The following FBXO11 variants were observed in gnomAD, a reference collection of about 807,000 sequenced individuals.
The protein encoded by FBXO11 is F-box only protein 11.
A neutral mutation model predicts 117.0 loss-of-function variants in FBXO11; 13 were observed. That is an observed-to-expected ratio of 0.11 (90% CI 0.07 to 0.18). The LOEUF (loss-of-function observed/expected upper bound fraction) is 0.18. FBXO11 is among the 10% of genes least tolerant of loss of function. FBXO11 has a pLI of 1.00. For missense variants in FBXO11, 767 were observed against 1,164.4 expected (o/e 0.66, Z 4.97); for synonymous variants, 490 against 380.5 (o/e 1.29, Z -3.35).
At position 47,818,936 on chromosome 2, in the gene FBXO11, A is replaced by T; in HGVS notation, c.1920+20T>A. 1.2e-6 allele frequency: 2 copies of T among 1,601,716 alleles called. No homozygotes were observed. Among genetic ancestry groups the T allele is most frequent in the Non-Finnish European group, 1.7e-6 (2 of 1,177,068 alleles). On this transcript the variant is annotated intron_variant, in intron 15 of 22. Coordinates refer to ENST00000403359, the MANE Select transcript of FBXO11 (RefSeq NM_001190274.2). ...TACAAAACAATGTATTTCCCATCCA[A>T]GAGTCCAGGCTAATCCTACCTGCTT...
intron 11 of FBXO11, among the ~76,000 whole-genome samples, chr2:47,829,145 T>C (rs768331181): frequency 3.9e-5 from 6 of 152,062 alleles, no homozygotes; most frequent in Non-Finnish European, 7.4e-5. Context: ...TCTGCCTACC[T>C]TGTCCTCCCA....
At chr2:47,851,402 T>C (rs1392556919) in intron 1 of FBXO11, among the ~76,000 whole-genome samples, 2 of 152,048 alleles carry the variant, frequency 1.3e-5, no homozygotes, top group East Asian at 3.9e-4. Flanking sequence ...GGCTAATTTT[T>C]GTATTTAGTA....
chr2:47,830,179 T>C (rs957095793), intron 11 of FBXO11, among the ~76,000 whole-genome samples: 2 of 151,902 alleles, frequency 1.3e-5, no homozygotes, highest in Admixed American at 1.3e-4. Flanking sequence ...GATACTGAGG[T>C]AGAAGAGCAA....
At chr2:47,859,746 C>T (rs1674607905) in intron 1 of FBXO11, among the ~76,000 whole-genome samples, 1 of 151,984 alleles carries the variant, frequency 6.6e-6, no homozygotes, top group Non-Finnish European at 1.5e-5. Context: ...TTTCCAAACC[C>T]AATTATGTTG....
intron 1 of FBXO11, among the ~76,000 whole-genome samples, chr2:47,849,401 G>A (rs1673671889): frequency 1.3e-5 from 2 of 152,052 alleles, no homozygotes; most frequent in African/African-American, 2.4e-5. Context: ...ACACACATAC[G>A]TTCTTACACT....
intron 4 of FBXO11, among the ~76,000 whole-genome samples, chr2:47,838,201 C>G (rs574223557): frequency 3.3e-5 from 5 of 152,126 alleles, no homozygotes; most frequent in South Asian, 4.2e-4. Flanking sequence ...ACACTGCACT[C>G]CAGCCTGGGT....
At chr2:47,820,487 AT>A (rs779342993) in intron 13 of FBXO11, 31 bp from the exon 14 acceptor site, 1 of 1,527,630 alleles carries the variant, frequency 6.5e-7, no homozygotes, top group South Asian at 1.1e-5. Context: ...CAAGGTCAAC[AT>A]TTGTGAGCCT....
In FBXO11 at chr2:47,807,261, T is replaced by C. The variant is rs948329602; in HGVS notation, c.*857A>G. ...GAGTTCAAATACAGGACTGTTTGTT[T>C]TGAAGAGACTTTCTAAAGTGTACTT... On this transcript the variant is annotated 3_prime_UTR_variant, in exon 23 of 23. Coordinates refer to ENST00000403359, the MANE Select transcript of FBXO11 (RefSeq NM_001190274.2). 4.9e-5 allele frequency: 11 copies of C among 225,750 alleles called. No individual in the cohort carries two copies. In the East Asian group the frequency reaches 6.6e-4, roughly 14 times the overall value. 14.0% of individuals were successfully genotyped at this position (225,750 alleles called of 1,614,324 possible).
Position 47,839,665 on chromosome 2 carries a change from A to G in FBXO11, c.337T>C (p.Cys113Arg), listed in dbSNP as rs768636115. 1 of 1,614,166 alleles carries G rather than the reference A, an allele frequency of 6.2e-7. No homozygotes were observed. Among genetic ancestry groups the G allele is most frequent in the Non-Finnish European group, 8.5e-7 (1 of 1,180,028 alleles). The part of the protein sequence containing the change: ...RKTLLPKRTA[C>R]PTKNSMEGAS... ...ACCTCCATACTGTTCTTTGTGGGAC[A>G]CGCTGTTCTTTTCGGCAAAAGAGTT... The change falls in exon 2 of 23, where the codon TGT becomes CGT. Residue 113 changes from cysteine to arginine, a missense_variant. By Grantham distance (180) the Cys-to-Arg change is radical. Transcript: ENST00000403359.
At chr2:47,866,245 C>CAAA (rs57654823) in intron 1 of FBXO11, among the ~76,000 whole-genome samples, 6 of 58,372 alleles carry the variant, frequency 1.0e-4, no homozygotes, top group East Asian at 4.5e-4. Flanking sequence ...CCTTCTGCTT[C>CAAA]AAAAAAAAAA....
At chr2:47,848,827 C>T (rs77225689) in intron 1 of FBXO11, among the ~76,000 whole-genome samples, 3,126 of 152,146 alleles carry the variant, frequency 0.021, 38 homozygotes, top group Non-Finnish European at 0.032. Flanking sequence ...TTATTCTGAG[C>T]CTAGCAGAAT....
At chr2:47,904,690 C>A (rs970936124) in intron 1 of FBXO11, among the ~76,000 whole-genome samples, 59 of 151,870 alleles carry the variant, frequency 3.9e-4, no homozygotes, top group African/African-American at 1.2e-3. Context: ...AGAGTAGCAC[C>A]GCGGCATGGG....
chr2:47,808,427 T>C lies in FBXO11; in HGVS notation c.2556A>G (p.Arg852=). ...GATCTGTGGTGTTACAAGTATGACA[T>C]CTAAAAAGCAAAAGCTTAAATTACT... The part of the protein sequence containing the change: ...YTSYPMHDFY[R]CHTCNTTDRN... The change falls in exon 22 of 23, where the codon AGA becomes AGG. Residue 852 remains arginine (R), a splice_region_variant and synonymous_variant. Coordinates refer to ENST00000403359, the MANE Select transcript of FBXO11 (RefSeq NM_001190274.2). 1 of 1,581,152 alleles carries C rather than the reference T, an allele frequency of 6.3e-7. No individual in the cohort carries two copies. The highest frequency in any genetic ancestry group is 8.6e-7 in the Non-Finnish European group (1 of 1,168,542).
chr2:47,859,957 T>C (rs1188048331), intron 1 of FBXO11, among the ~76,000 whole-genome samples: 1 of 152,154 alleles, frequency 6.6e-6, no homozygotes, highest in Non-Finnish European at 1.5e-5. Flanking sequence ...TCATAGATTT[T>C]CCCCCCTTTC....
rs533249335 is a variant in FBXO11 at position 47,906,066 on chromosome 2, CGCG to C, written c.-349_-347del. On this transcript the variant is annotated 5_prime_UTR_variant, in exon 1 of 23. Coordinates refer to ENST00000403359, the MANE Select transcript of FBXO11 (RefSeq NM_001190274.2). ...GCCGCTTGGGGATCCCGAGGCGAAG[CGCG>C]GCGGCGGCGGCGGCGGCGGCTGAAG... The C allele has an allele frequency of 1.4e-3, 242 of 172,806 alleles. No individual in the cohort carries two copies. The highest frequency in any genetic ancestry group is 5.3e-3 in the South Asian group (55 of 10,396). The allele number at this position is 172,806 out of a possible 1,614,324, so 10.7% of individuals were successfully genotyped here. A position where few individuals can be genotyped will look rare whatever the true frequency, so the allele number is the denominator to read the frequency against.
chr2:47,822,126 C>T, intron 13 of FBXO11, 92 bp downstream of exon 13: 5 of 845,366 alleles, frequency 5.9e-6, no homozygotes, highest in South Asian at 1.5e-5. Flanking sequence ...TCAGTGCTTC[C>T]ACTTGGGTAG....
chr2:47,806,999 T>TATCTA lies in FBXO11; in HGVS notation c.*1114_*1118dup, dbSNP rs1670252213. On this transcript the variant is annotated 3_prime_UTR_variant, in exon 23 of 23. Coordinates refer to ENST00000403359, the MANE Select transcript of FBXO11 (RefSeq NM_001190274.2). ...TAGGAAATTAAACCCTTTTAATTCTTATCTACCTTCTACATAATGGTTATT... is the reference window on the plus strand; with the variant it reads ...TAGGAAATTAAACCCTTTTAATTCTTATCTAATCTACCTTCTACATAATGGTTATT... The TATCTA allele has an allele frequency of 1.4e-6, 1 of 707,984 alleles. No individual in the cohort carries two copies. Among genetic ancestry groups the TATCTA allele is most frequent in the Admixed American group, 2.3e-5 (1 of 44,302 alleles). 43.9% of individuals were successfully genotyped at this position (707,984 alleles called of 1,614,324 possible).
In FBXO11 at chr2:47,813,256, G is replaced by A. The variant is rs201246111; in HGVS notation, c.2205C>T (p.Ile735=). 47 of 1,613,384 alleles carry A rather than the reference G, an allele frequency of 2.9e-5. No individual in the cohort carries two copies. The highest frequency in any genetic ancestry group is 3.4e-6 in the Non-Finnish European group (4 of 1,179,710). The change falls in exon 18 of 23, where the codon ATC becomes ATT. Residue 735 remains isoleucine (I), a synonymous_variant. Coordinates refer to ENST00000403359, the MANE Select transcript of FBXO11 (RefSeq NM_001190274.2). ...NKIHDGRDGG[I]CIFNGGRGLL... is the part of the protein sequence containing the mutation. ...TACCTCGACCCCCATTAAATATACA[G>A]ATGCCACCATCTCTTCCATCATGGA...
Position 47,905,919 on chromosome 2 carries a change from A to C in FBXO11, c.-199T>G. ...GAAAGGCCCGGGTAGACAGACGGAG[A>C]CCGAGCGAGGCCGGCCGGGAGGGCC... On this transcript the variant is annotated 5_prime_UTR_variant, in exon 1 of 23. Transcript: ENST00000403359. The C allele has an allele frequency of 1.8e-6, 1 of 570,412 alleles. No individual in the cohort carries two copies. 35.3% of individuals were successfully genotyped at this position (570,412 alleles called of 1,614,324 possible).
Sources: gnomAD v4.1 joint callset for allele counts (sites outside exome capture counted in the v4.1 genomes callset) on GRCh38, gnomAD v4.1.1 for gene constraint, MANE v1.5 for transcripts, NCBI Gene and HGNC (gene_info 2026-07-23, HGNC 2026-07-21) for gene names.